PLEC: variants seen among roughly 807,000 people sequenced by gnomAD.
The protein encoded by PLEC is plectin, also known as hemidesmosomal protein 1.
Under a neutral mutation model 392.8 loss-of-function variants are expected in PLEC, and 216 were observed. That is an observed-to-expected ratio of 0.55 (90% CI 0.49 to 0.62). PLEC has a LOEUF of 0.62. Among genes scored for constraint, PLEC ranks in the 20% least tolerant of loss-of-function variants. The pLI is 0.00. For synonymous variants in PLEC, 3,621 were observed against 2,980.6 expected, an observed-to-expected ratio of 1.21 and a Z score of -7.00; for missense variants, 6,863 against 6,563.4, an observed-to-expected ratio of 1.05 and a Z score of -1.58.
chr8:143,952,866 G>A (rs1012029732), upstream of PLEC, among the ~76,000 whole-genome samples: 1 of 152,110 alleles, frequency 6.6e-6, no homozygotes, highest in Non-Finnish European at 1.5e-5. Context: ...GGCTCGGCGG[G>A]AGTCCCCTCC....
chr8:143,920,573 C>T lies in PLEC; in HGVS notation c.9248G>A (p.Arg3083His), dbSNP rs201948649. Residue 3083 changes from arginine to histidine, a missense_variant, in exon 32 of 32, where the codon CGT becomes CAT. Arg to His is a conservative substitution (Grantham distance 29, BLOSUM62 0). Transcript: ENST00000345136. The part of the protein sequence containing the change: ...SARLTVDEAV[R>H]AGLVGPEFHE... ...AAACTCGGGGCCCACCAGGCCAGCA[C>T]GCACTGCCTCGTCCACGGTCAGCCG... is the stretch of plus-strand genomic sequence containing the variant. 11 of 1,611,016 alleles carry T rather than the reference C, an allele frequency of 6.8e-6. No homozygotes were observed. The highest frequency in any genetic ancestry group is 1.1e-5 in the South Asian group (1 of 91,062).
Position 143,933,095 on chromosome 8 carries a change from C to G in PLEC, c.1435G>C (p.Glu479Gln). 6.3e-7 allele frequency: 1 copy of G among 1,591,048 alleles called. No homozygotes were observed. Among genetic ancestry groups the G allele is most frequent in the Non-Finnish European group, 8.5e-7 (1 of 1,171,462 alleles). Residue 479 changes from glutamate to glutamine, a missense_variant, in exon 14 of 32, where the codon GAG (glutamate) becomes CAG (glutamine). Glu to Gln is a conservative substitution (Grantham distance 29). Coordinates refer to ENST00000345136, the MANE Select transcript of PLEC (RefSeq NM_201384.3). Reference protein sequence around the residue: ...QMYRRVYRLHERLVAIRTEYN... With the variant: ...QMYRRVYRLHQRLVAIRTEYN... The stretch of plus-strand genomic sequence containing the variant: ...TCGGTGCGGATGGCTACCAGGCGCT[C>G]GTGCAGACGGTACACCCTGGGGCAG...
intron 1 of PLEC, 92 bp from the exon 2 acceptor site, chr8:143,938,784 C>T: frequency 8.9e-7 from 1 of 1,127,020 alleles, no homozygotes; most frequent in Non-Finnish European, 1.3e-6. Flanking sequence ...CCTGGCTGGC[C>T]AGGTCCTGCC....
In PLEC at chr8:143,919,818, TG is replaced by T; in HGVS notation, c.10002del (p.Lys3335ArgfsTer46). ...TCCGAAAGGTCCTTGACCGTCGTCT[TG>T]CCGTCCTTGAGCTGCTCAAACTGGG... ...SRAQFEQLKD[G>X]KTTVKDLSEL... On this transcript the variant is annotated frameshift_variant, in exon 32 of 32. Coordinates refer to ENST00000345136, the MANE Select transcript of PLEC (RefSeq NM_201384.3). LOFTEE classifies it high-confidence loss of function. The T allele has an allele frequency of 6.2e-7, 1 of 1,613,082 alleles. No homozygotes were observed. Among genetic ancestry groups the T allele is most frequent in the Non-Finnish European group, 8.5e-7 (1 of 1,180,010 alleles).
At chr8:143,975,218 C>T, upstream of PLEC, 1 of 1,604,384 alleles carries the variant, frequency 6.2e-7, no homozygotes, top group Admixed American at 1.7e-5. The surrounding 1 kb of genome is among the most constrained non-coding windows in gnomAD (Gnocchi z 9.9). Context: ...GTCCAGGACA[C>T]TCCCGTTGCT....
intron 22 of PLEC, 21 bp downstream of exon 22, chr8:143,929,915 C>A (rs1554712348): frequency 6.2e-7 from 1 of 1,607,284 alleles, no homozygotes; most frequent in East Asian, 2.2e-5. Context: ...CAGAGAGCCC[C>A]CGGCTCGGGG....
In PLEC at chr8:143,920,763, G is replaced by A; in HGVS notation, c.9058C>T (p.Leu3020Phe). Reference protein sequence around the residue: ...VAEVDTVRRALRGANVIAGVW... With the variant: ...VAEVDTVRRAFRGANVIAGVW... ...CCCGCGATGACGTTGGCACCCCGGA[G>A]AGCCCGCCGCACAGTGTCCACCTCG... The change falls in exon 32 of 32, where the codon CTC (leucine) becomes TTC (phenylalanine). Residue 3020 changes from leucine (L) to phenylalanine (F), a missense_variant. By Grantham distance (22) the Leu-to-Phe change is conservative (BLOSUM62 0). Transcript: ENST00000345136. 1.2e-6 allele frequency: 2 copies of A among 1,606,028 alleles called. No homozygotes were observed. The highest frequency in any genetic ancestry group is 2.2e-5 in the East Asian group (1 of 44,878).
chr8:143,946,029 G>A (rs1554732013), intron 1 of PLEC, among the ~76,000 whole-genome samples: 1 of 152,266 alleles, frequency 6.6e-6, no homozygotes, highest in Non-Finnish European at 1.5e-5. Context: ...GGACGTTTCA[G>A]CCCACTCCCT....
intron 1 of PLEC, among the ~76,000 whole-genome samples, chr8:143,966,164 G>A (rs1174869108): frequency 6.6e-6 from 1 of 152,158 alleles, no homozygotes; most frequent in Non-Finnish European, 1.5e-5. Flanking sequence ...TGCTCCCAAC[G>A]TGGCCCTGCT....
At chr8:143,953,806 C>G (rs199628531), upstream of PLEC, 215 of 1,610,996 alleles carry the variant, frequency 1.3e-4, no homozygotes, top group East Asian at 4.8e-3. Context: ...TGTGCCACCA[C>G]CAGGCAGAGT....
In PLEC at chr8:143,923,608, G is replaced by A. The variant is rs782317585; in HGVS notation, c.6321C>T (p.Ser2107=). The part of the protein sequence containing the change: ...RVQAEREAAQ[S]RRQVEEAERL... ...GCTCGGCCTCTTCCACCTGCCGCCG[G>A]GACTGCGCCGCCTCACGCTCCGCCT... The change falls in exon 31 of 32, where the codon TCC becomes TCT. Residue 2107 remains serine (S), a synonymous_variant. Coordinates refer to ENST00000345136, the MANE Select transcript of PLEC (RefSeq NM_201384.3). 19 of 1,591,594 alleles carry A rather than the reference G, an allele frequency of 1.2e-5. No homozygotes were observed. In the South Asian group the frequency reaches 1.4e-4, roughly 12 times the overall value.
intron 5 of PLEC, among the ~76,000 whole-genome samples, chr8:143,936,419 C>T (rs1829069946): frequency 6.6e-6 from 1 of 152,254 alleles, no homozygotes; most frequent in Non-Finnish European, 1.5e-5. Flanking sequence ...TGGCCCAGAA[C>T]CCCCAGGCCT....
upstream of PLEC, chr8:143,942,501 C>G: frequency 6.3e-7 from 1 of 1,581,330 alleles, no homozygotes; most frequent in Middle Eastern, 2.2e-4. Flanking sequence ...CAAAGGCGCC[C>G]CCCGCCCCCG....
Position 143,920,176 on chromosome 8 carries a change from C to G in PLEC, c.9645G>C (p.Lys3215Asn), listed in dbSNP as rs1398623845. The change falls in exon 32 of 32, where the codon AAG becomes AAC. Residue 3215 changes from lysine to asparagine, a missense_variant. Lys to Asn is a moderately conservative substitution (Grantham distance 94). Coordinates refer to ENST00000345136, the MANE Select transcript of PLEC (RefSeq NM_201384.3). ...GCTCCTCCTGCCGGGCCCGAGCAGC[C>G]TTTTCTGAGAGCGGCAGCAGGCTCA... ...TGLSLLPLSE[K>N]AARARQEELY... is the part of the protein sequence containing the mutation. The G allele has an allele frequency of 6.2e-7, 1 of 1,612,098 alleles. No individual in the cohort carries two copies. The highest frequency in any genetic ancestry group is 1.7e-5 in the Admixed American group (1 of 59,998).
rs372652727 is a variant in PLEC at position 143,923,513 on chromosome 8, C to T, written c.6416G>A (p.Arg2139His). ...AQAQAAAEKL[R>H]KEAEQEAARR... Reference sequence around the variant, plus strand: ...CGCCGCCTCTTGCTCGGCCTCCTTGCGCAGCTTCTCTGCAGCCGCCTGTGC... The same window carrying T: ...CGCCGCCTCTTGCTCGGCCTCCTTGTGCAGCTTCTCTGCAGCCGCCTGTGC... The change falls in exon 31 of 32, where the codon CGC becomes CAC. Residue 2139 changes from arginine to histidine, a missense_variant. Coordinates refer to ENST00000345136, the MANE Select transcript of PLEC (RefSeq NM_201384.3). 2.0e-4 allele frequency: 318 copies of T among 1,596,442 alleles called. No individual in the cohort carries two copies. The highest frequency in any genetic ancestry group is 2.5e-4 in the Non-Finnish European group (294 of 1,174,718).
At chr8:143,951,900 C>T (rs1832190659), upstream of PLEC, among the ~76,000 whole-genome samples, 3 of 152,040 alleles carry the variant, frequency 2.0e-5, no homozygotes, top group South Asian at 2.1e-4. Context: ...GCCGCCCCCA[C>T]TGAGGGTCCA....
upstream of PLEC, among the ~76,000 whole-genome samples, chr8:143,951,780 C>T (rs1832171106): frequency 6.6e-6 from 1 of 152,130 alleles, no homozygotes; most frequent in African/African-American, 2.4e-5. Context: ...AATGCCAGGC[C>T]AGAAGACGGC....
At position 143,939,429 on chromosome 8, in the gene PLEC, G is replaced by A. The variant is rs782425242; in HGVS notation, c.33C>T (p.Pro11=). The A allele has an allele frequency of 1.4e-5, 23 of 1,612,330 alleles. No homozygotes were observed. Among genetic ancestry groups the A allele is most frequent in the Admixed American group, 1.7e-5 (1 of 59,962 alleles). ...TGGTTCTCTTTCGGCCCAGGCCCTC[G>A]GGCTGCGGCACGCGGAGCTGGTGCT... is the stretch of plus-strand genomic sequence containing the variant. MSQHQLRVPQ[P]EGLGRKRTSS... The change falls in exon 1 of 32, where the codon CCC becomes CCT. Residue 11 remains proline, a synonymous_variant. Transcript: ENST00000345136.
rs79705634 is a variant in PLEC at position 143,925,372 on chromosome 8, C to G, written c.4557G>C (p.Ser1519=). ...RKRQAEVELA[S]RVKAEAEAAR... Reference sequence around the variant, plus strand: ...CCGCCTCGGCCTCGGCCTTCACGCGCGAGGCCAGCTCCACCTCCGCCTGCC... The same window carrying G: ...CCGCCTCGGCCTCGGCCTTCACGCGGGAGGCCAGCTCCACCTCCGCCTGCC... Residue 1519 remains serine (S), a synonymous_variant, in exon 31 of 32, where the codon TCG becomes TCC. Coordinates refer to ENST00000345136, the MANE Select transcript of PLEC (RefSeq NM_201384.3). The G allele has an allele frequency of 1.3e-6, 2 of 1,564,966 alleles. No individual in the cohort carries two copies. The highest frequency in any genetic ancestry group is 1.7e-6 in the Non-Finnish European group (2 of 1,162,908).
Sources: allele counts gnomAD v4.1 joint callset (sites outside exome capture counted in the v4.1 genomes callset), GRCh38; gene constraint gnomAD v4.1.1; non-coding constraint Gnocchi (gnomAD v3.1); transcripts MANE v1.5; gene names NCBI Gene and HGNC (gene_info 2026-07-23, HGNC 2026-07-21).